ANO1: variants seen among roughly 807,000 people sequenced by gnomAD.
ANO1 encodes anoctamin 1, also known as anoctamin-1.
ANO1 carries 59 observed loss-of-function variants against 124.0 expected under a neutral mutation model. That is an observed-to-expected ratio of 0.48 (90% CI 0.39 to 0.59). The LOEUF (loss-of-function observed/expected upper bound fraction) is 0.59, where lower values mean the gene tolerates loss of function less well. Ranked by LOEUF, ANO1 falls within the 20% of genes least tolerant of loss-of-function variation. ANO1 has a pLI of 0.00. For synonymous variants in ANO1, 529 were observed against 532.0 expected, an observed-to-expected ratio of 0.99 and a Z score of 0.08; for missense variants, 1,059 against 1,328.0, an observed-to-expected ratio of 0.80 and a Z score of 3.15.
intron 1 of ANO1, among the ~76,000 whole-genome samples, chr11:70,061,423 C>T (rs1857573860): frequency 6.6e-6 from 1 of 151,886 alleles, no homozygotes; most frequent in African/African-American, 2.4e-5. Flanking sequence ...GGTGCCAGAA[C>T]TCCAATTTTT....
chr11:70,125,290 C>T (rs567198869), intron 9 of ANO1, among the ~76,000 whole-genome samples: 1 of 151,834 alleles, frequency 6.6e-6, no homozygotes, highest in East Asian at 1.9e-4. Flanking sequence ...TTGCAGTGAG[C>T]CGAGATCGCG....
intron 19 of ANO1, among the ~76,000 whole-genome samples, chr11:70,163,783 A>G (rs955175084): frequency 5.9e-5 from 9 of 151,976 alleles, no homozygotes; most frequent in Admixed American, 2.0e-4. Context: ...CTAAAAACGC[A>G]AAAAATTAGC....
intron 1 of ANO1, among the ~76,000 whole-genome samples, chr11:70,000,339 C>T (rs1376831431): frequency 2.6e-5 from 4 of 151,982 alleles, no homozygotes; most frequent in African/African-American, 9.7e-5. Flanking sequence ...GATGCACACT[C>T]CCCACCAATC....
At position 70,105,787 on chromosome 11, in the gene ANO1, T is replaced by C; in HGVS notation, c.746T>C (p.Ile249Thr). 1 of 1,613,422 alleles carries C rather than the reference T, an allele frequency of 6.2e-7. No homozygotes were observed. The highest frequency in any genetic ancestry group is 1.7e-4 in the Middle Eastern group (1 of 6,012). Residue 249 changes from isoleucine (I) to threonine (T), a missense_variant and splice_region_variant, in exon 5 of 26, where the codon ATT becomes ACT. Around this residue, in one of 2 missense-constraint regions of ANO1, gnomAD observed 809 missense variants for 1,094.9 expected, o/e 0.74. Transcript: ENST00000355303. ...TTCGACAGCAAAACCCGGAGCACGA[T>C]TGTAAGTATCGCACGCGCCTGGAAA... ...SFFDSKTRSTIVYEILKRTTC... is the reference protein window; with the variant it reads ...SFFDSKTRSTTVYEILKRTTC...
intron 1 of ANO1, among the ~76,000 whole-genome samples, chr11:70,006,351 T>G (rs1253274328): frequency 6.6e-6 from 1 of 152,122 alleles, no homozygotes; most frequent in African/African-American, 2.4e-5. Context: ...CCTACAGCTC[T>G]TCCTTATCTG....
the ANO1 span, among the ~76,000 whole-genome samples, chr11:69,978,859 A>T: frequency 6.6e-6 from 1 of 152,218 alleles, no homozygotes; most frequent in Non-Finnish European, 1.5e-5. Flanking sequence ...CCATCCTCAA[A>T]TAATGACTTA....
chr11:70,077,011 G>T (rs552232562), upstream of ANO1, among the ~76,000 whole-genome samples: 1 of 122,218 alleles, frequency 8.2e-6, no homozygotes, highest in East Asian at 2.9e-4. Context: ...TCACAAGGCT[G>T]GAAGGTGCCA....
intron 12 of ANO1, 93 bp from the exon 13 acceptor site, chr11:70,152,357 A>AAATTTTTT: frequency 1.1e-6 from 1 of 922,376 alleles, no homozygotes; most frequent in Non-Finnish European, 1.6e-6. Flanking sequence ...AAAAAAAAAA[A>AAATTTTTT]GTTGTCCTTA....
chr11:70,164,231 A>G (rs1239816719), intron 19 of ANO1, among the ~76,000 whole-genome samples: 1 of 152,196 alleles, frequency 6.6e-6, no homozygotes, highest in Non-Finnish European at 1.5e-5. Flanking sequence ...CAACCCACAG[A>G]GTAATTCAGC....
chr11:70,105,896 T>G (rs2045515569), intron 5 of ANO1, 108 bp downstream of exon 5: 2 of 1,150,584 alleles, frequency 1.7e-6, no homozygotes, highest in East Asian at 2.5e-5. Flanking sequence ...CGGCTCTAAT[T>G]GTCTGTGACA....
At chr11:70,010,722 C>T (rs1012438063) in intron 1 of ANO1, among the ~76,000 whole-genome samples, 12 of 152,186 alleles carry the variant, frequency 7.9e-5, no homozygotes, top group South Asian at 2.1e-4. Context: ...TCAAAGCCCC[C>T]GCTCCCACCA....
In ANO1 at chr11:70,152,462, G is replaced by A. The variant is rs2047643641; in HGVS notation, c.1353+1G>A. ...TGGTTCCCTGAAGGAGGCTGTCAAG[G>A]TTTGGAACTTTTTGTCGCTCCTCTA... On this transcript the variant is annotated splice_donor_variant, in intron 13 of 25. Coordinates refer to ENST00000355303, the MANE Select transcript of ANO1 (RefSeq NM_018043.7). LOFTEE classifies it high-confidence loss of function. 2 of 1,612,892 alleles carry A rather than the reference G, an allele frequency of 1.2e-6. No individual in the cohort carries two copies. Among genetic ancestry groups the A allele is most frequent in the Middle Eastern group, 1.7e-4 (1 of 6,060 alleles).
intron 1 of ANO1, among the ~76,000 whole-genome samples, chr11:70,001,125 G>C (rs11236226): frequency 0.093 from 14,110 of 152,260 alleles, 1,063 homozygotes; most frequent in East Asian, 0.43. Context: ...GACACTTCTG[G>C]AGGCTGCTCC....
intron 16 of ANO1, among the ~76,000 whole-genome samples, chr11:70,158,774 A>G (rs1271542839): frequency 1.3e-5 from 2 of 151,862 alleles, no homozygotes; most frequent in Admixed American, 1.3e-4. Flanking sequence ...CGACATAAAG[A>G]AGTCCAGAGG....
chr11:70,015,889 C>T (rs993776570), intron 1 of ANO1: 1 of 152,400 alleles, frequency 6.6e-6, no homozygotes, highest in African/African-American at 2.4e-5. Flanking sequence ...TCCACAGCCA[C>T]ACAGCCGTGA....
intron 1 of ANO1, among the ~76,000 whole-genome samples, chr11:70,067,873 G>A (rs533959741): frequency 5.6e-4 from 86 of 152,354 alleles, no homozygotes; most frequent in African/African-American, 2.1e-3. Context: ...AATTGACCAT[G>A]ACCTTTCCTC....
chr11:70,071,767 G>A (rs527512044), intron 1 of ANO1, among the ~76,000 whole-genome samples: 29 of 152,108 alleles, frequency 1.9e-4, no homozygotes, highest in African/African-American at 5.8e-4. Context: ...GGGATTATAG[G>A]CACGCACCAC....
chr11:69,972,053 T>C, the ANO1 span, among the ~76,000 whole-genome samples: 1 of 131,002 alleles, frequency 7.6e-6, no homozygotes, highest in African/African-American at 2.6e-5. Flanking sequence ...AAACCCCGGC[T>C]CTACTAAAAA....
At chr11:70,020,649 C>T (rs1228625803) in intron 1 of ANO1, among the ~76,000 whole-genome samples, 2 of 152,210 alleles carry the variant, frequency 1.3e-5, no homozygotes, top group Non-Finnish European at 2.9e-5. Context: ...CGGTGTGAAG[C>T]TTCAGCCTAA....
Sources: gnomAD v4.1 joint callset for allele counts (sites outside exome capture counted in the v4.1 genomes callset) on GRCh38, gnomAD v4.1.1 for gene constraint, gnomAD v4.1.1 regional missense constraint, MANE v1.5 for transcripts, NCBI Gene and HGNC (gene_info 2026-07-23, HGNC 2026-07-21) for gene names.